Variants in NLGN1 observed in about 807,000 individuals in gnomAD.
NLGN1 encodes the protein neuroligin-1.
A neutral mutation model predicts 65.5 loss-of-function variants in NLGN1; 12 were observed. The ratio of observed to expected loss-of-function variants is 0.18; its 90% CI spans 0.12 to 0.30. The LOEUF (loss-of-function observed/expected upper bound fraction) is 0.30, where lower values mean the gene tolerates loss of function less well. Ranked by LOEUF, NLGN1 falls within the 10% of genes least tolerant of loss-of-function variation. NLGN1 has a pLI of 1.00. For missense variants in NLGN1, 750 were observed against 1,007.1 expected, an observed-to-expected ratio of 0.74 and a Z score of 3.46; for synonymous variants, 350 against 359.5, an observed-to-expected ratio of 0.97 and a Z score of 0.30.
At chr3:173,934,844 T>A (rs1744763793) in intron 4 of NLGN1, among the ~76,000 whole-genome samples, 1 of 152,048 alleles carries the variant, frequency 6.6e-6, no homozygotes, top group Admixed American at 6.6e-5. Flanking sequence ...GCAGCTGATT[T>A]AAAAACCCGA....
At chr3:173,816,788 C>T (rs1578589163) in intron 4 of NLGN1, among the ~76,000 whole-genome samples, 1 of 152,216 alleles carries the variant, frequency 6.6e-6, no homozygotes, top group Non-Finnish European at 1.5e-5. Context: ...GGTGTTTCCT[C>T]TACCCCAGAT....
chr3:173,925,081 G>A (rs1195839379), intron 4 of NLGN1, among the ~76,000 whole-genome samples: 1 of 152,002 alleles, frequency 6.6e-6, no homozygotes, highest in Admixed American at 6.6e-5. Flanking sequence ...ACACAAAATG[G>A]ATCAAACCTA....
intron 3 of NLGN1, among the ~76,000 whole-genome samples, chr3:173,655,613 T>C (rs1460827772): frequency 6.6e-6 from 1 of 152,146 alleles, no homozygotes; most frequent in East Asian, 1.9e-4. Context: ...TCTCTGTTCT[T>C]TCTTCACGTT....
At chr3:173,892,295 G>T in intron 4 of NLGN1, among the ~76,000 whole-genome samples, 1 of 151,242 alleles carries the variant, frequency 6.6e-6, no homozygotes, top group South Asian at 2.1e-4. Flanking sequence ...TCCTCCAATA[G>T]ATCCTGCCAT....
chr3:173,978,908 G>A (rs1718148632), intron 4 of NLGN1, among the ~76,000 whole-genome samples: 1 of 151,060 alleles, frequency 6.6e-6, no homozygotes, highest in Admixed American at 6.6e-5. Flanking sequence ...AGGAGGCTGA[G>A]GCACAAGAAT....
At chr3:174,236,534 A>G (rs1194775432) in intron 4 of NLGN1, among the ~76,000 whole-genome samples, 2 of 152,070 alleles carry the variant, frequency 1.3e-5, no homozygotes, top group Admixed American at 6.5e-5. Flanking sequence ...TCTTTTTAAA[A>G]AAATTTAAGT....
intron 2 of NLGN1, among the ~76,000 whole-genome samples, chr3:173,494,835 A>G (rs1258532520): frequency 2.0e-5 from 3 of 151,828 alleles, no homozygotes; most frequent in African/African-American, 7.3e-5. Flanking sequence ...TAATGAATAA[A>G]TAATTGGGGA....
At chr3:174,038,645 C>T (rs1731636670) in intron 4 of NLGN1, among the ~76,000 whole-genome samples, 1 of 152,110 alleles carries the variant, frequency 6.6e-6, no homozygotes, top group Admixed American at 6.6e-5. Context: ...TAAGGTTACC[C>T]CCCTGAGTCC....
intron 4 of NLGN1, among the ~76,000 whole-genome samples, chr3:173,871,324 T>C (rs1372882542): frequency 6.6e-6 from 1 of 152,202 alleles, no homozygotes; most frequent in African/African-American, 2.4e-5. Context: ...GGAATAGAGT[T>C]GCAAATGTAT....
chr3:174,245,692 A>T (rs992041791), intron 4 of NLGN1, among the ~76,000 whole-genome samples: 1 of 152,212 alleles, frequency 6.6e-6, no homozygotes, highest in African/African-American at 2.4e-5. Flanking sequence ...TTGATATCAT[A>T]GATTATATAT....
At chr3:174,127,785 G>A (rs1026037667) in intron 4 of NLGN1, among the ~76,000 whole-genome samples, 2 of 152,066 alleles carry the variant, frequency 1.3e-5, no homozygotes, top group African/African-American at 4.8e-5. Flanking sequence ...TCCATTTAAG[G>A]TCTCTTTCTA....
chr3:174,164,162 G>GT (rs1436793396), intron 4 of NLGN1, among the ~76,000 whole-genome samples: 1 of 151,920 alleles, frequency 6.6e-6, no homozygotes, highest in East Asian at 1.9e-4. Context: ...TCTTATTGTC[G>GT]TTTTGATTTG....
At chr3:173,579,693 C>T (rs1464178146) in intron 2 of NLGN1, among the ~76,000 whole-genome samples, 1 of 152,178 alleles carries the variant, frequency 6.6e-6, no homozygotes, top group Non-Finnish European at 1.5e-5. Context: ...GTAGATTCTT[C>T]CCCGTAGAAA....
chr3:174,135,943 GTGAC>G (rs1235687686), intron 4 of NLGN1, among the ~76,000 whole-genome samples: 2 of 152,090 alleles, frequency 1.3e-5, no homozygotes, highest in African/African-American at 2.4e-5. Flanking sequence ...TAAGTAAAAA[GTGAC>G]TACTATTTGC....
intron 4 of NLGN1, among the ~76,000 whole-genome samples, chr3:173,905,208 A>T (rs1200491741): frequency 1.3e-5 from 2 of 152,192 alleles, no homozygotes; most frequent in African/African-American, 4.8e-5. Flanking sequence ...AGTCCCACAG[A>T]TTCCAACTTC....
chr3:174,044,864 G>A (rs752163815), intron 4 of NLGN1, among the ~76,000 whole-genome samples: 8 of 152,136 alleles, frequency 5.3e-5, no homozygotes, highest in African/African-American at 1.7e-4. Context: ...ATTCTCATGA[G>A]ATCCAATGAT....
At chr3:173,905,021 T>G (rs1253846397) in intron 4 of NLGN1, among the ~76,000 whole-genome samples, 2 of 152,170 alleles carry the variant, frequency 1.3e-5, no homozygotes, top group Non-Finnish European at 2.9e-5. Context: ...GAAAAGCTCC[T>G]TTTTCTAGTT....
At chr3:173,583,528 AAG>A (rs1284544455) in intron 2 of NLGN1, among the ~76,000 whole-genome samples, 1 of 152,202 alleles carries the variant, frequency 6.6e-6, no homozygotes, top group African/African-American at 2.4e-5. Flanking sequence ...TCAGTTAAAA[AAG>A]AGTGTCTTGG....
At chr3:173,876,510 G>A (rs187778352) in intron 4 of NLGN1, among the ~76,000 whole-genome samples, 1 of 152,214 alleles carries the variant, frequency 6.6e-6, no homozygotes, top group East Asian at 1.9e-4. Flanking sequence ...GGAAATTGTT[G>A]GTTTACATTG....
Sources: gnomAD v4.1 joint callset for allele counts (sites outside exome capture counted in the v4.1 genomes callset) on GRCh38, gnomAD v4.1.1 for gene constraint, MANE v1.5 for transcripts, NCBI Gene and HGNC (gene_info 2026-07-23, HGNC 2026-07-21) for gene names.